The following SLC15A1 variants were observed in gnomAD, a reference collection of about 807,000 sequenced individuals.
SLC15A1 encodes the protein solute carrier family 15 member 1.
A neutral mutation model predicts 92.9 loss-of-function variants in SLC15A1; 83 were observed. The observed-to-expected ratio is 0.89, with a 90% confidence interval of 0.75 to 1.07. The LOEUF is 1.07. Among genes scored for constraint, SLC15A1 ranks in the 50% least tolerant of loss-of-function variants. SLC15A1 has a pLI of 0.00. For missense variants in SLC15A1, 857 were observed against 880.1 expected (o/e 0.97, Z 0.33); for synonymous variants, 322 against 318.2 (o/e 1.01, Z -0.13).
rs1160039837 is a variant in SLC15A1, at chr13:98,684,722, C to A, written c.*2G>T. On this transcript the variant is annotated 3_prime_UTR_variant, in exon 23 of 23. Coordinates refer to ENST00000376503, the MANE Select transcript of SLC15A1 (RefSeq NM_005073.4). ...GTCCATCCTCCACTTGCCTCCTGAC[C>A]TTCACATCTGTTTCTGTGAATTGGC... 19 of 1,613,526 alleles carry A rather than the reference C, an allele frequency of 1.2e-5. No individual in the cohort carries two copies. Among genetic ancestry groups the A allele is most frequent in the Non-Finnish European group, 1.6e-5 (19 of 1,179,640 alleles).
chr13:98,728,994 AAAAAAAAAAAAAC>A lies in SLC15A1; in HGVS notation c.5-2148_5-2136del, dbSNP rs1329648904. 8.2e-5 allele frequency among the ~76,000 whole-genome samples: 12 copies of A among 147,144 alleles called. 1 individual carries two copies. In the South Asian group the frequency reaches 1.1e-3, roughly 13 times the overall value. ...AGGCTCTGTAAAAAAAAAAAAAAAA[AAAAAAAAAAAAAC>A]AACAAGCCCCAAAACAAAAAACAAA... On this transcript the variant is annotated intron_variant, in intron 1 of 22. Transcript: ENST00000376503.
At chr13:98,748,693 G>C (rs141869279) in intron 1 of SLC15A1, among the ~76,000 whole-genome samples, 1 of 152,180 alleles carries the variant, frequency 6.6e-6, no homozygotes, top group African/African-American at 2.4e-5. Flanking sequence ...ACATGGACAA[G>C]CCAGGGCCCA....
intron 11 of SLC15A1, among the ~76,000 whole-genome samples, chr13:98,711,600 AC>A (rs2088163193): frequency 6.6e-6 from 1 of 152,204 alleles, no homozygotes; most frequent in African/African-American, 2.4e-5. Context: ...ACTTGACTTG[AC>A]CTCATGTAAT....
chr13:98,726,540 C>T (rs760206261), intron 2 of SLC15A1, 91 bp from the exon 3 acceptor site: 42 of 1,175,374 alleles, frequency 3.6e-5, no homozygotes, highest in African/African-American at 2.3e-4. Context: ...AGGCAGCCAA[C>T]GCAGATTCAG....
chr13:98,701,500 T>A (rs920520990), intron 18 of SLC15A1, among the ~76,000 whole-genome samples: 1 of 151,344 alleles, frequency 6.6e-6, no homozygotes, highest in African/African-American at 2.4e-5. Context: ...TATTTATATA[T>A]ATATATTGAT....
chr13:98,708,945 T>C (rs367698470), intron 14 of SLC15A1, among the ~76,000 whole-genome samples, 178 bp from the exon 15 acceptor site: 4 of 149,056 alleles, frequency 2.7e-5, no homozygotes, highest in South Asian at 2.1e-4. Context: ...AAGTGGAATA[T>C]AGCTTCTTGT....
At position 98,688,256 on chromosome 13, in the gene SLC15A1, G is replaced by T. The variant is rs2087946701; in HGVS notation, c.1675C>A (p.Gln559Lys). 1 of 1,605,168 alleles carries T rather than the reference G, an allele frequency of 6.2e-7. No homozygotes were observed. The highest frequency in any genetic ancestry group is 8.5e-7 in the Non-Finnish European group (1 of 1,173,812). Residue 559 changes from glutamine (Q) to lysine (K), a missense_variant, in exon 20 of 23, where the codon CAA (glutamine) becomes AAA (lysine). By Grantham distance (53) the Gln-to-Lys change is moderately conservative (BLOSUM62 1). Coordinates refer to ENST00000376503, the MANE Select transcript of SLC15A1 (RefSeq NM_005073.4). ...TGAAACGAGTTACTAACCTTCCTTT[G>T]GACTATATAGGTATAAGCACTACCA... The part of the protein sequence containing the change: ...EFGSAYTYIV[Q>K]RKNDSCPEVK...
chr13:98,722,993 C>A (rs2088271731), intron 5 of SLC15A1, among the ~76,000 whole-genome samples: 1 of 152,186 alleles, frequency 6.6e-6, no homozygotes, highest in Admixed American at 6.5e-5. Flanking sequence ...CTATTACAAC[C>A]AAGGAAACTG....
At chr13:98,747,391 C>T (rs1349577302) in intron 1 of SLC15A1, among the ~76,000 whole-genome samples, 1 of 152,176 alleles carries the variant, frequency 6.6e-6, no homozygotes. Flanking sequence ...CATGGGAACA[C>T]ACCTGGCTGG....
chr13:98,734,443 G>A (rs1187407914), intron 1 of SLC15A1, among the ~76,000 whole-genome samples: 1 of 152,156 alleles, frequency 6.6e-6, no homozygotes, highest in Non-Finnish European at 1.5e-5. Flanking sequence ...GACAGTGGGT[G>A]CAGCCACGGA....
rs374943370 is a variant in SLC15A1, at chr13:98,726,171, G to A, written c.197C>T (p.Thr66Met). ...YHTFVALCYL[T>M]PILGALIADS... ...GGCGATAAGAGCTCCGAGAATTGGC[G>A]TCAGGTAGCACAGAGCCACAAACGT... Residue 66 changes from threonine to methionine, a missense_variant, in exon 4 of 23, where the codon ACG becomes ATG. Physicochemically the swap from Thr to Met is moderately conservative, Grantham distance 81. Coordinates refer to ENST00000376503, the MANE Select transcript of SLC15A1 (RefSeq NM_005073.4). 9.9e-5 allele frequency: 160 copies of A among 1,614,002 alleles called. No homozygotes were observed. The highest frequency in any genetic ancestry group is 1.2e-4 in the Non-Finnish European group (141 of 1,180,042).
Position 98,709,755 on chromosome 13 carries a change from G to A in SLC15A1, c.965C>T (p.Pro322Leu), listed in dbSNP as rs2088146413. 6 of 1,614,002 alleles carry A rather than the reference G, an allele frequency of 3.7e-6. No homozygotes were observed. Among genetic ancestry groups the A allele is most frequent in the Non-Finnish European group, 5.1e-6 (6 of 1,180,050 alleles). ...SGKIGALEIQ[P>L]DQMQTVNAIL... Reference sequence around the variant, plus strand: ...CATGTCTTCTACCTGCATCTGATCGGGCTGAATTTCAAGAGCTCCCTAAAA... The same window carrying A: ...CATGTCTTCTACCTGCATCTGATCGAGCTGAATTTCAAGAGCTCCCTAAAA... The change falls in exon 13 of 23, where the codon CCC (proline) becomes CTC (leucine). Residue 322 changes from proline to leucine, a missense_variant. Transcript: ENST00000376503.
At chr13:98,694,828 C>T (rs1274276428) in intron 18 of SLC15A1, among the ~76,000 whole-genome samples, 2 of 151,762 alleles carry the variant, frequency 1.3e-5, no homozygotes, top group Non-Finnish European at 2.9e-5. Flanking sequence ...AGATTGAGAC[C>T]ATCTGGGCCA....
intron 21 of SLC15A1, among the ~76,000 whole-genome samples, chr13:98,687,325 G>A (rs1294116724): frequency 6.6e-6 from 1 of 152,026 alleles, no homozygotes; most frequent in African/African-American, 2.4e-5. Context: ...AATACTGGGC[G>A]CTAAATGTCT....
Position 98,688,314 on chromosome 13 carries a change from A to C in SLC15A1, c.1617T>G (p.Cys539Trp). Residue 539 changes from cysteine to tryptophan, a missense_variant, in exon 20 of 23, where the codon TGT (cysteine) becomes TGG (tryptophan). Transcript: ENST00000376503. ...GGTAGAAAGTATTGAAATTAGGTTGACATTGTGGCGGAATCTCTGTTGAGC... is the reference window on the plus strand; with the variant it reads ...GGTAGAAAGTATTGAAATTAGGTTGCCATTGTGGCGGAATCTCTGTTGAGC... ...TISSTEIPPQ[C>W]QPNFNTFYLE... is the part of the protein sequence containing the mutation. 6.2e-7 allele frequency: 1 copy of C among 1,614,108 alleles called. No individual in the cohort carries two copies. The highest frequency in any genetic ancestry group is 8.5e-7 in the Non-Finnish European group (1 of 1,179,986).
chr13:98,752,078 G>A (rs2088550864), intron 1 of SLC15A1, among the ~76,000 whole-genome samples: 1 of 152,220 alleles, frequency 6.6e-6, no homozygotes. Flanking sequence ...CACAGAAGGT[G>A]CCTCAAATTA....
intron 1 of SLC15A1, among the ~76,000 whole-genome samples, chr13:98,740,467 C>G (rs1057065504): frequency 2.0e-5 from 3 of 152,196 alleles, no homozygotes; most frequent in Non-Finnish European, 4.4e-5. Flanking sequence ...CTCCATCCTC[C>G]TCCACCCCAG....
At chr13:98,739,288 CTT>C (rs1300593163) in intron 1 of SLC15A1, among the ~76,000 whole-genome samples, 1 of 152,126 alleles carries the variant, frequency 6.6e-6, no homozygotes, top group Non-Finnish European at 1.5e-5. Flanking sequence ...TGAGTTAAGA[CTT>C]TGGGGGATTA....
intron 1 of SLC15A1, among the ~76,000 whole-genome samples, chr13:98,731,006 C>T (rs1449907251): frequency 6.6e-6 from 1 of 152,206 alleles, no homozygotes; most frequent in African/African-American, 2.4e-5. Context: ...TCACCTCGGA[C>T]CGTCACTTCA....
Sources: gnomAD v4.1 joint callset for allele counts (sites outside exome capture counted in the v4.1 genomes callset) on GRCh38, gnomAD v4.1.1 for gene constraint, MANE v1.5 for transcripts, NCBI Gene and HGNC (gene_info 2026-07-23, HGNC 2026-07-21) for gene names.